The following PDSS2 variants were observed in gnomAD, a reference collection of about 807,000 sequenced individuals.
PDSS2 encodes decaprenyl diphosphate synthase subunit 2.
PDSS2 carries 31 observed loss-of-function variants against 44.5 expected under a neutral mutation model. That is an observed-to-expected ratio of 0.70 (90% CI 0.52 to 0.94). The LOEUF (loss-of-function observed/expected upper bound fraction) is 0.94. PDSS2 is among the 40% of genes least tolerant of loss of function. PDSS2 has a pLI of 0.00. For synonymous variants in PDSS2, 157 were observed against 180.3 expected (o/e 0.87, Z 1.03); for missense variants, 452 against 482.2 (o/e 0.94, Z 0.59).
chr6:107,385,042 G>C (rs1779570407), intron 1 of PDSS2, among the ~76,000 whole-genome samples: 1 of 152,158 alleles, frequency 6.6e-6, no homozygotes, highest in African/African-American at 2.4e-5. Context: ...AGATTAGGGA[G>C]CTTAAATGTT....
intron 2 of PDSS2, among the ~76,000 whole-genome samples, chr6:107,279,674 C>T (rs2114970202): frequency 6.6e-6 from 1 of 152,214 alleles, no homozygotes; most frequent in African/African-American, 2.4e-5. Flanking sequence ...TCTAAACTGG[C>T]AGTTAATAGT....
intron 1 of PDSS2, among the ~76,000 whole-genome samples, chr6:107,363,525 G>T (rs1778850740): frequency 6.6e-6 from 1 of 152,114 alleles, no homozygotes; most frequent in Non-Finnish European, 1.5e-5. Context: ...TGGTCTCGCT[G>T]GCTTCAGGAG....
chr6:107,305,498 T>C (rs955187799), intron 2 of PDSS2, among the ~76,000 whole-genome samples: 1 of 152,230 alleles, frequency 6.6e-6, no homozygotes, highest in Non-Finnish European at 1.5e-5. Context: ...CTATCACATG[T>C]AGAATCTTAC....
intron 4 of PDSS2, among the ~76,000 whole-genome samples, chr6:107,229,136 A>G (rs1582818133): frequency 6.6e-6 from 1 of 152,084 alleles, no homozygotes; most frequent in Non-Finnish European, 1.5e-5. Flanking sequence ...TGTATATATA[A>G]TTAAGACATT....
chr6:107,311,616 TCTGATTATGAGA>T (rs1777049543), intron 2 of PDSS2, among the ~76,000 whole-genome samples: 1 of 152,190 alleles, frequency 6.6e-6, no homozygotes, highest in Non-Finnish European at 1.5e-5. Context: ...GAGTCTATAA[TCTGATTATGAGA>T]AAAATAAAAG....
At chr6:107,426,064 A>G (rs1378358551) in intron 1 of PDSS2, among the ~76,000 whole-genome samples, 2 of 152,184 alleles carry the variant, frequency 1.3e-5, no homozygotes, top group Non-Finnish European at 2.9e-5. Context: ...AGACAATGGG[A>G]AAAATGTCTC....
Position 107,195,633 on chromosome 6 carries a change from C to T in PDSS2, c.1009-1779G>A, listed in dbSNP as rs140274063. Among the ~76,000 whole-genome samples the T allele has an allele frequency of 6.1e-3, 899 of 148,054 alleles. 8 individuals are homozygous for T. Among genetic ancestry groups the T allele is most frequent in the African/African-American group, 0.021 (821 of 39,994 alleles). ...TGGAGTGCAGTGGTGTATCTCGGCTCACTGCAAACTCCCCCTCCAAGGTTC... is the reference window on the plus strand; with the variant it reads ...TGGAGTGCAGTGGTGTATCTCGGCTTACTGCAAACTCCCCCTCCAAGGTTC... On this transcript the variant is annotated intron_variant, in intron 6 of 7. Transcript: ENST00000369037.
Position 107,245,594 on chromosome 6 carries a change from A to G in PDSS2, c.656T>C (p.Leu219Pro). ...ATATACTCCTTGTACCAAGTCCATA[A>G]GAGCACTTGCTAAAAGTTCCACAAC... is the stretch of plus-strand genomic sequence containing the variant. Reference protein sequence around the residue: ...TKVVELLASALMDLVQGVYHE... With the variant: ...TKVVELLASAPMDLVQGVYHE... The change falls in exon 4 of 8, where the codon CTT becomes CCT. Residue 219 changes from leucine to proline, a missense_variant. Physicochemically the swap from Leu to Pro is moderately conservative, Grantham distance 98. Transcript: ENST00000369037. The G allele has an allele frequency of 6.3e-7, 1 of 1,593,894 alleles. No homozygotes were observed. Among genetic ancestry groups the G allele is most frequent in the Non-Finnish European group, 8.6e-7 (1 of 1,166,536 alleles).
At chr6:107,251,242 G>A (rs942283570) in intron 3 of PDSS2, among the ~76,000 whole-genome samples, 1 of 152,146 alleles carries the variant, frequency 6.6e-6, no homozygotes, top group Non-Finnish European at 1.5e-5. Flanking sequence ...ATGTAATAAG[G>A]TAGTATGGTT....
rs1324784086 is a variant in PDSS2 at position 107,334,323 on chromosome 6, T to C, written c.306A>G (p.Val102=). The change falls in exon 2 of 8, where the codon GTA becomes GTG. Residue 102 remains valine (V), a synonymous_variant. Transcript: ENST00000369037. ...HPLLTTARGL[V]HDSWNSLQLR... ...ACTGGAGGCTATTCCAGCTGTCATG[T>C]ACAAGCCCCCTGCCAACAAGCAAAG... 15 of 1,613,438 alleles carry C rather than the reference T, an allele frequency of 9.3e-6. No homozygotes were observed. Among genetic ancestry groups the C allele is most frequent in the African/African-American group, 2.7e-5 (2 of 74,840 alleles).
chr6:107,312,746 A>C (rs1582927484), intron 2 of PDSS2, among the ~76,000 whole-genome samples: 1 of 152,224 alleles, frequency 6.6e-6, no homozygotes, highest in South Asian at 2.1e-4. Context: ...TGTGGAGGGT[A>C]GAAGGAAGAA....
Position 107,318,658 on chromosome 6 carries a change from AGTTGCAG to A in PDSS2, c.431+15533_431+15539del, listed in dbSNP as rs563679715. On this transcript the variant is annotated intron_variant, in intron 2 of 7. Coordinates refer to ENST00000369037, the MANE Select transcript of PDSS2 (RefSeq NM_020381.4). ...CAATCCATTATTTCTTAAAAACATG[AGTTGCAG>A]GTGCACAAAAATTCCCATTTAAATA... Among the ~76,000 whole-genome samples the A allele has an allele frequency of 2.0e-5, 3 of 152,290 alleles. No individual in the cohort carries two copies. The South Asian group carries it at 6.2e-4, about 32-fold the overall frequency.
intron 2 of PDSS2, among the ~76,000 whole-genome samples, chr6:107,314,898 T>A (rs1777155140): frequency 6.6e-6 from 1 of 152,208 alleles, no homozygotes; most frequent in African/African-American, 2.4e-5. Context: ...GCAGACTGTT[T>A]GAAATAAGCA....
rs112643550 is a variant in PDSS2 at position 107,282,918 on chromosome 6, C to T, written c.432-8691G>A. ...TTTTTTTTTTTGTAGAGACAGGGGT[C>T]TCCCTATGTTGCCCAGGCTGGTCTC... On this transcript the variant is annotated intron_variant, in intron 2 of 7. Transcript: ENST00000369037. Among the ~76,000 whole-genome samples, 816 of 146,596 alleles carry T rather than the reference C, an allele frequency of 5.6e-3. 7 individuals are homozygous for T. The highest frequency in any genetic ancestry group is 0.02 in the African/African-American group (799 of 40,030).
intron 1 of PDSS2, among the ~76,000 whole-genome samples, chr6:107,434,448 T>C (rs539038549): frequency 1.4e-4 from 22 of 152,264 alleles, no homozygotes; most frequent in African/African-American, 5.1e-4. Flanking sequence ...GATCCTGTCA[T>C]TTGCAACAAC....
At chr6:107,405,880 G>A (rs866433172) in intron 1 of PDSS2, among the ~76,000 whole-genome samples, 44 of 151,630 alleles carry the variant, frequency 2.9e-4, no homozygotes, top group Admixed American at 1.1e-3. Flanking sequence ...ACAGAATGGT[G>A]GAATAGATAA....
chr6:107,409,354 C>G (rs373677157), intron 1 of PDSS2, among the ~76,000 whole-genome samples: 1 of 151,742 alleles, frequency 6.6e-6, no homozygotes, highest in Non-Finnish European at 1.5e-5. Context: ...AAATTCCAAT[C>G]GAAAATCTCT....
chr6:107,400,602 C>T (rs919210444), intron 1 of PDSS2, among the ~76,000 whole-genome samples: 1 of 152,124 alleles, frequency 6.6e-6, no homozygotes, highest in South Asian at 2.1e-4. Flanking sequence ...GAAAGTCTTG[C>T]TAGGTCAAGA....
intron 1 of PDSS2, among the ~76,000 whole-genome samples, chr6:107,362,062 T>G (rs1021385689): frequency 3.9e-5 from 6 of 152,202 alleles, no homozygotes; most frequent in African/African-American, 9.7e-5. Flanking sequence ...ATCACAAGCC[T>G]GAATAAGCAA....
Sources: gnomAD v4.1 joint callset for allele counts (sites outside exome capture counted in the v4.1 genomes callset) on GRCh38, gnomAD v4.1.1 for gene constraint, MANE v1.5 for transcripts, NCBI Gene and HGNC (gene_info 2026-07-23, HGNC 2026-07-21) for gene names.